Variants in RO60 observed in about 807,000 individuals in gnomAD.
The protein encoded by RO60 is Ro60, Y RNA binding protein.
Under a neutral mutation model 55.3 loss-of-function variants are expected in RO60, and 20 were observed. That is an observed-to-expected ratio of 0.36 (90% CI 0.25 to 0.53). The LOEUF (loss-of-function observed/expected upper bound fraction) is 0.53, where lower values mean the gene tolerates loss of function less well. Among genes scored for constraint, RO60 ranks in the 20% least tolerant of loss-of-function variants. The probability of loss-of-function intolerance (pLI) is 0.92; values close to 1 mark genes in which losing one functional copy is unlikely to be tolerated. For missense variants in RO60, 558 were observed against 646.6 expected (o/e 0.86, Z 1.49); for synonymous variants, 213 against 213.6 (o/e 1.00, Z 0.02).
intron 3 of RO60, 52 bp from the exon 4 acceptor site, chr1:193,076,449 C>T: frequency 1.9e-6 from 3 of 1,575,536 alleles, no homozygotes; most frequent in Non-Finnish European, 2.6e-6. Flanking sequence ...GTATGTTATA[C>T]TGATTTATTT....
At position 193,085,039 on chromosome 1, in the gene RO60, A is replaced by C; in HGVS notation, c.*308A>C. 1 of 1,526,542 alleles carries C rather than the reference A, an allele frequency of 6.6e-7. No homozygotes were observed. The highest frequency in any genetic ancestry group is 1.4e-5 in the African/African-American group (1 of 72,118). 94.6% of individuals were successfully genotyped at this position (1,526,542 alleles called of 1,614,324 possible). A position where few individuals can be genotyped will look rare whatever the true frequency, so the allele number is the denominator to read the frequency against. ...TGAATAATACGTGTGTACCTAAAAGAGGTAAGAGCAAAAAGTGTAATTCCA... is the reference window on the plus strand; with the variant it reads ...TGAATAATACGTGTGTACCTAAAAGCGGTAAGAGCAAAAAGTGTAATTCCA... On this transcript the variant is annotated 3_prime_UTR_variant, in exon 9 of 9. Coordinates refer to ENST00000400968, the MANE Select transcript of RO60 (RefSeq NM_001173524.2).
intron 5 of RO60, 118 bp downstream of exon 5, chr1:193,077,168 T>A (rs1673982003): frequency 9.8e-7 from 1 of 1,020,552 alleles, no homozygotes. Flanking sequence ...ATTCATTTGT[T>A]TTTCTTTAGT....
At position 193,069,242 on chromosome 1, in the gene RO60, G is replaced by A; in HGVS notation, c.188G>A (p.Arg63Lys). 2 of 1,614,220 alleles carry A rather than the reference G, an allele frequency of 1.2e-6. No individual in the cohort carries two copies. Among genetic ancestry groups the A allele is most frequent in the Non-Finnish European group, 1.7e-6 (2 of 1,180,038 alleles). The change falls in exon 2 of 9, where the codon AGA becomes AAA. Residue 63 changes from arginine (R) to lysine (K), a missense_variant. Transcript: ENST00000400968. ...CTTGAAAATGCTGAAGCTTTAATTA[G>A]ATTGATTGAAGATGGCAGAGGATGT... is the stretch of plus-strand genomic sequence containing the variant. ...LGLENAEALIRLIEDGRGCEV... is the reference protein window; with the variant it reads ...LGLENAEALIKLIEDGRGCEV...
chr1:193,082,149 C>A (rs1365727466), intron 6 of RO60, 37 bp from the exon 7 acceptor site: 1 of 1,273,688 alleles, frequency 7.9e-7, no homozygotes, highest in Non-Finnish European at 1.1e-6. Context: ...TATTTCCCCC[C>A]AAATTTGCTG....
In RO60 at chr1:193,059,904, A is replaced by G. The variant is rs768589230; in HGVS notation, c.-22+128A>G. On this transcript the variant is annotated intron_variant, in intron 1 of 8. Transcript: ENST00000400968. This position sits in a 1 kb window ranked among gnomAD's most constrained non-coding sequence, Gnocchi z 4.9. ...GAGGCTGGGCAAACGCCGCGAAACT[A>G]TCGCTCTTCCCCGTCCCGCTTCCGC... 1.5e-6 allele frequency: 2 copies of G among 1,365,786 alleles called. No homozygotes were observed. Among genetic ancestry groups the G allele is most frequent in the Non-Finnish European group, 2.0e-6 (2 of 1,021,602 alleles). 84.6% of individuals were successfully genotyped at this position (1,365,786 alleles called of 1,614,324 possible).
At chr1:193,080,771 AGTATTG>A (rs1674252434) in intron 5 of RO60, among the ~76,000 whole-genome samples, 1 of 152,226 alleles carries the variant, frequency 6.6e-6, no homozygotes, top group Non-Finnish European at 1.5e-5. Context: ...AACAAGGACA[AGTATTG>A]TATGATTCCA....
At chr1:193,091,652 C>G, downstream of RO60, 1 of 1,611,096 alleles carries the variant, frequency 6.2e-7, no homozygotes, top group Non-Finnish European at 8.5e-7. Context: ...CCTTTCTAGC[C>G]TTGCAAAATA....
chr1:193,069,079 CAGCCACTGAATG>C lies in RO60; in HGVS notation c.28_39del (p.Pro10_Glu13del). ...AATGGAGGAATCTGTAAACCAAATGCAGCCACTGAATGAGAAGCAGATAGCCAATTCTCAGGA... is the reference window on the plus strand; with the variant it reads ...AATGGAGGAATCTGTAAACCAAATGCAGAAGCAGATAGCCAATTCTCAGGA... On this transcript the variant is annotated inframe_deletion, in exon 2 of 9. Coordinates refer to ENST00000400968, the MANE Select transcript of RO60 (RefSeq NM_001173524.2). The C allele has an allele frequency of 6.2e-7, 1 of 1,610,936 alleles. No individual in the cohort carries two copies. The highest frequency in any genetic ancestry group is 8.5e-7 in the Non-Finnish European group (1 of 1,177,840).
intron 2 of RO60, among the ~76,000 whole-genome samples, chr1:193,075,446 T>G (rs992839640): frequency 6.6e-6 from 1 of 151,622 alleles, no homozygotes; most frequent in Non-Finnish European, 1.5e-5. Flanking sequence ...TAATATAATA[T>G]AATACATTAC....
At chr1:193,084,102 A>G (rs193080717) in intron 8 of RO60, among the ~76,000 whole-genome samples, 2 of 152,358 alleles carry the variant, frequency 1.3e-5, no homozygotes, top group East Asian at 3.9e-4. Flanking sequence ...CAAAAATTCA[A>G]TTATTTTAAT....
intron 5 of RO60, among the ~76,000 whole-genome samples, chr1:193,079,482 A>T (rs1674152033): frequency 6.6e-6 from 1 of 152,216 alleles, no homozygotes; most frequent in Non-Finnish European, 1.5e-5. Context: ...ATCCACATAC[A>T]AAAGAATGAA....
chr1:193,070,962 T>C (rs1319487246), intron 2 of RO60, among the ~76,000 whole-genome samples: 1 of 152,216 alleles, frequency 6.6e-6, no homozygotes, highest in Non-Finnish European at 1.5e-5. Context: ...AAGAAATAAC[T>C]GCATATCAGC....
rs1051902780 is a variant in RO60, at chr1:193,089,175, C to G, written c.*4444C>G. The G allele has an allele frequency of 1.3e-5, 2 of 152,074 alleles. No homozygotes were observed. Among genetic ancestry groups the G allele is most frequent in the Non-Finnish European group, 2.9e-5 (2 of 68,012 alleles). The allele number at this position is 152,074 out of a possible 1,614,324, so 9.4% of individuals were successfully genotyped here. A position where few individuals can be genotyped will look rare whatever the true frequency, so the allele number is the denominator to read the frequency against. On this transcript the variant is annotated 3_prime_UTR_variant, in exon 9 of 9. Coordinates refer to ENST00000400968, the MANE Select transcript of RO60 (RefSeq NM_001173524.2). ...TGGCCTTTAAGATCAGTTATTCAGC[C>G]TTTGTAATTATGTTATCTAGCTATG...
At position 193,085,144 on chromosome 1, in the gene RO60, C is replaced by T. The variant is rs1674567149; in HGVS notation, c.*413C>T. 7.2e-7 allele frequency: 1 copy of T among 1,384,776 alleles called. No individual in the cohort carries two copies. The highest frequency in any genetic ancestry group is 9.4e-7 in the Non-Finnish European group (1 of 1,068,650). The allele number at this position is 1,384,776 out of a possible 1,614,324, so 85.8% of individuals were successfully genotyped here. ...GGACAGCTTTGATAATGTCCAAATA[C>T]TCTGAAATGCACTAGACCATATAAC... On this transcript the variant is annotated 3_prime_UTR_variant, in exon 9 of 9. Coordinates refer to ENST00000400968, the MANE Select transcript of RO60 (RefSeq NM_001173524.2).
chr1:193,070,118 G>A (rs1458734697), intron 2 of RO60, among the ~76,000 whole-genome samples: 4 of 147,264 alleles, frequency 2.7e-5, no homozygotes, highest in Non-Finnish European at 5.9e-5. Context: ...AAACTACTCT[G>A]TAACCAATAA....
chr1:193,059,889 A>T lies in RO60; in HGVS notation c.-22+113A>T. On this transcript the variant is annotated intron_variant, in intron 1 of 8. Coordinates refer to ENST00000400968, the MANE Select transcript of RO60 (RefSeq NM_001173524.2). The surrounding 1 kb of genome is among the most constrained non-coding windows in gnomAD (Gnocchi z 4.9). Reference sequence around the variant, plus strand: ...CGCATCCCAGGGGTTGAGGCTGGGCAAACGCCGCGAAACTATCGCTCTTCC... The same window carrying T: ...CGCATCCCAGGGGTTGAGGCTGGGCTAACGCCGCGAAACTATCGCTCTTCC... 1 of 1,365,428 alleles carries T rather than the reference A, an allele frequency of 7.3e-7. No individual in the cohort carries two copies. The highest frequency in any genetic ancestry group is 2.1e-4 in the Middle Eastern group (1 of 4,764). The allele number at this position is 1,365,428 out of a possible 1,614,324, so 84.6% of individuals were successfully genotyped here. A position where few individuals can be genotyped will look rare whatever the true frequency, so the allele number is the denominator to read the frequency against.
At chr1:193,065,111 T>C (rs1673018946) in intron 1 of RO60, among the ~76,000 whole-genome samples, 1 of 152,208 alleles carries the variant, frequency 6.6e-6, no homozygotes. Flanking sequence ...GCTTTTATTC[T>C]CAAAATGTGT....
rs1235566015 is a variant in RO60 at position 193,069,531 on chromosome 1, A to G, written c.477A>G (p.Lys159=). 6.2e-7 allele frequency: 1 copy of G among 1,614,090 alleles called. No homozygotes were observed. The highest frequency in any genetic ancestry group is 8.5e-7 in the Non-Finnish European group (1 of 1,180,042). ...CTATAGCGGACTGGTACAATGAGAAAGGTGGCATGGCCCTTGCTCTGGCAG... is the reference window on the plus strand; with the variant it reads ...CTATAGCGGACTGGTACAATGAGAAGGGTGGCATGGCCCTTGCTCTGGCAG... The part of the protein sequence containing the change: ...RKAIADWYNE[K]GGMALALAVT... Residue 159 remains lysine (K), a synonymous_variant, in exon 2 of 9, where the codon AAA becomes AAG. Transcript: ENST00000400968.
At chr1:193,077,922 T>G (rs1472211659) in intron 5 of RO60, among the ~76,000 whole-genome samples, 1 of 152,038 alleles carries the variant, frequency 6.6e-6, no homozygotes, top group Admixed American at 6.5e-5. Flanking sequence ...GGTAGATAGA[T>G]CTCATCAGTC....
Sources: allele counts gnomAD v4.1 joint callset (sites outside exome capture counted in the v4.1 genomes callset), GRCh38; gene constraint gnomAD v4.1.1; non-coding constraint Gnocchi (gnomAD v3.1); transcripts MANE v1.5; gene names NCBI Gene and HGNC (gene_info 2026-07-23, HGNC 2026-07-21).